The following MMP26 variants were observed in gnomAD, a reference collection of about 807,000 sequenced individuals.
The protein encoded by MMP26 is matrix metalloproteinase-26.
MMP26 carries 33 observed loss-of-function variants against 31.0 expected under a neutral mutation model. That is an observed-to-expected ratio of 1.06 (90% CI 0.81 to 1.42). The LOEUF (loss-of-function observed/expected upper bound fraction) is 1.42, where lower values mean the gene tolerates loss of function less well. Among genes scored for constraint, MMP26 ranks in the 40% most tolerant of loss-of-function variants. The pLI is 0.00. For synonymous variants in MMP26, 122 were observed against 114.9 expected, an observed-to-expected ratio of 1.06 and a Z score of -0.40; for missense variants, 347 against 316.1, an observed-to-expected ratio of 1.10 and a Z score of -0.74.
intron 2 of MMP26, chr11:4,882,863 C>T (rs1289089239): frequency 6.2e-7 from 1 of 1,612,720 alleles, no homozygotes; most frequent in Admixed American, 1.7e-5. Context: ...TGTGAGGGGT[C>T]TTAGGGGAAG....
chr11:4,708,147 C>A (rs892804838), intron 1 of MMP26, among the ~76,000 whole-genome samples: 1 of 152,132 alleles, frequency 6.6e-6, no homozygotes, highest in South Asian at 2.1e-4. Context: ...TCCCGATTCT[C>A]GTATGTAAAG....
chr11:4,972,619 G>C (rs758703946), intron 2 of MMP26, among the ~76,000 whole-genome samples: 6 of 152,052 alleles, frequency 3.9e-5, no homozygotes, highest in Non-Finnish European at 5.9e-5. Context: ...TCACTGCCCA[G>C]TTATCATGTA....
intron 2 of MMP26, among the ~76,000 whole-genome samples, chr11:4,863,313 C>G (rs1189450979): frequency 6.6e-6 from 1 of 151,882 alleles, no homozygotes; most frequent in Non-Finnish European, 1.5e-5. Flanking sequence ...CTTTCTCTAT[C>G]TCCCAATGAA....
At chr11:4,789,731 G>A (rs542346246) in intron 2 of MMP26, among the ~76,000 whole-genome samples, 8 of 150,990 alleles carry the variant, frequency 5.3e-5, no homozygotes, top group South Asian at 2.1e-4. Context: ...TAGTAGAGAC[G>A]GGGTTTCACT....
chr11:4,847,821 A>T, intron 2 of MMP26: 1 of 155,634 alleles, frequency 6.4e-6, no homozygotes, highest in East Asian at 1.9e-4. Flanking sequence ...AGGAGGTACA[A>T]TACAAATGGA....
intron 2 of MMP26, chr11:4,849,260 T>G: frequency 6.5e-7 from 1 of 1,545,464 alleles, no homozygotes; most frequent in South Asian, 1.3e-5. Context: ...TTAGAAAGGT[T>G]TACTTAATCG....
At chr11:4,714,914 TCTCTCTCACA>T (rs1229759390) in intron 1 of MMP26, among the ~76,000 whole-genome samples, 2 of 133,284 alleles carry the variant, frequency 1.5e-5, no homozygotes, top group Non-Finnish European at 3.2e-5. Flanking sequence ...TCTCTCTCTC[TCTCTCTCACA>T]CACACACACA....
rs183227368 is a variant in MMP26 at position 4,952,495 on chromosome 11, C to T, written c.-144-35573C>T. ...TGGAAAAGGCAGATGGATATAGTTA[C>T]GCACCTTGAACACAGAAGCAGTTCT... On this transcript the variant is annotated intron_variant, in intron 2 of 7. Transcript: ENST00000380390. Among the ~76,000 whole-genome samples, 29 of 125,768 alleles carry T rather than the reference C, an allele frequency of 2.3e-4. 9 individuals carry two copies. The highest frequency in any genetic ancestry group is 1.1e-3 in the Admixed American group (13 of 11,374). 82.5% of individuals were successfully genotyped at this position (125,768 alleles called of 152,430 possible).
chr11:4,773,189 G>C (rs1397248646), intron 2 of MMP26, among the ~76,000 whole-genome samples: 2 of 152,178 alleles, frequency 1.3e-5, no homozygotes, highest in East Asian at 1.9e-4. Flanking sequence ...CTCAGCCCAT[G>C]TTTATCCTCT....
intron 2 of MMP26, among the ~76,000 whole-genome samples, chr11:4,981,031 A>G (rs1475338512): frequency 1.3e-5 from 2 of 152,086 alleles, no homozygotes; most frequent in African/African-American, 4.8e-5. Context: ...CAATATAAAC[A>G]TATTAGTTAA....
intron 2 of MMP26, among the ~76,000 whole-genome samples, chr11:4,809,754 A>C (rs1322052588): frequency 6.6e-6 from 1 of 152,172 alleles, no homozygotes; most frequent in African/African-American, 2.4e-5. Context: ...TCCCATTCTT[A>C]GAATGAAGAT....
At chr11:4,869,616 G>T (rs2133524381) in intron 2 of MMP26, among the ~76,000 whole-genome samples, 1 of 152,314 alleles carries the variant, frequency 6.6e-6, no homozygotes, top group Non-Finnish European at 1.5e-5. Context: ...TTACACTGTT[G>T]GTGGGACTGT....
At chr11:4,813,281 A>G (rs1849375390) in intron 2 of MMP26, among the ~76,000 whole-genome samples, 1 of 152,198 alleles carries the variant, frequency 6.6e-6, no homozygotes. Context: ...ATGGCCTTGT[A>G]TTTATGGAAA....
At chr11:4,850,639 A>G (rs1317547647) in intron 2 of MMP26, among the ~76,000 whole-genome samples, 2 of 152,072 alleles carry the variant, frequency 1.3e-5, no homozygotes, top group Non-Finnish European at 2.9e-5. Context: ...TTTTGTTTTC[A>G]GGATAATGAT....
In MMP26 at chr11:4,989,183, G is replaced by A. The variant is rs111297776; in HGVS notation, c.100-465G>A. On this transcript the variant is annotated intron_variant, in intron 3 of 7. Coordinates refer to ENST00000380390, the MANE Select transcript of MMP26 (RefSeq NM_021801.5). ...TGGAGACAAGGAATAGGTAAACAAC[G>A]GGCTCTTTAAAAGTAACTTAATGAA... Among the ~76,000 whole-genome samples, 326 of 152,212 alleles carry A rather than the reference G, an allele frequency of 2.1e-3. 3 individuals carry two copies. The highest frequency in any genetic ancestry group is 7.6e-3 in the African/African-American group (316 of 41,544).
intron 2 of MMP26, chr11:4,860,564 T>A (rs1040842095): frequency 6.5e-6 from 3 of 459,772 alleles, no homozygotes; most frequent in Non-Finnish European, 9.0e-6. Context: ...AAGTTCGTCA[T>A]GTTGTTCTCA....
At chr11:4,732,368 A>G (rs1225896351) in intron 1 of MMP26, among the ~76,000 whole-genome samples, 1 of 152,050 alleles carries the variant, frequency 6.6e-6, no homozygotes, top group Admixed American at 6.5e-5. Flanking sequence ...TACCTTCCTT[A>G]TGGAATCTTT....
chr11:4,856,931 C>T (rs2133506454), intron 2 of MMP26, among the ~76,000 whole-genome samples: 1 of 152,278 alleles, frequency 6.6e-6, no homozygotes, highest in South Asian at 2.1e-4. Context: ...CTCAAAACCG[C>T]ACAACTACAT....
intron 1 of MMP26, among the ~76,000 whole-genome samples, chr11:4,740,116 A>T (rs1848292704): frequency 6.7e-6 from 1 of 149,312 alleles, no homozygotes; most frequent in South Asian, 2.1e-4. Flanking sequence ...ACTAAAATAA[A>T]ATCAGTTTAT....
Sources: gnomAD v4.1 joint callset for allele counts (sites outside exome capture counted in the v4.1 genomes callset) on GRCh38, gnomAD v4.1.1 for gene constraint, MANE v1.5 for transcripts, NCBI Gene and HGNC (gene_info 2026-07-23, HGNC 2026-07-21) for gene names.